The following GAPVD1 variants were observed in gnomAD, a reference collection of about 807,000 sequenced individuals.
The protein encoded by GAPVD1 is GTPase activating protein and VPS9 domains 1.
GAPVD1 carries 35 observed loss-of-function variants against 155.5 expected under a neutral mutation model. The observed-to-expected ratio is 0.23, with a 90% CI of 0.17 to 0.30. GAPVD1 has a LOEUF of 0.30. Among genes scored for constraint, GAPVD1 ranks in the 10% least tolerant of loss-of-function variants. The probability of loss-of-function intolerance (pLI) is 1.00; values close to 1 mark genes in which losing one functional copy is unlikely to be tolerated. For synonymous variants in GAPVD1, 636 were observed against 619.7 expected (o/e 1.03, Z -0.39); for missense variants, 1,429 against 1,775.7 (o/e 0.80, Z 3.51).
At position 125,362,830 on chromosome 9, in the gene GAPVD1, G is replaced by A; in HGVS notation, c.*84G>A. The A allele has an allele frequency of 7.7e-7, 1 of 1,294,066 alleles. No individual in the cohort carries two copies. Among genetic ancestry groups the A allele is most frequent in the Non-Finnish European group, 1.1e-6 (1 of 923,460 alleles). The allele number at this position is 1,294,066 out of a possible 1,614,324, so 80.2% of individuals were successfully genotyped here. A position where few individuals can be genotyped will look rare whatever the true frequency, so the allele number is the denominator to read the frequency against. ...AGGTGCATCAGCTGCTTTGAAGGCTGAAGATTGTTTTGTATGATACTGCAC... is the reference window on the plus strand; with the variant it reads ...AGGTGCATCAGCTGCTTTGAAGGCTAAAGATTGTTTTGTATGATACTGCAC... On this transcript the variant is annotated 3_prime_UTR_variant, in exon 28 of 28. Transcript: ENST00000297933.
intron 1 of GAPVD1, among the ~76,000 whole-genome samples, 178 bp from the exon 2 acceptor site, chr9:125,268,758 T>G (rs1834405221): frequency 6.6e-6 from 1 of 152,156 alleles, no homozygotes; most frequent in South Asian, 2.1e-4. Context: ...GGTCTCAAAC[T>G]CCTGAGTTCA....
chr9:125,344,713 T>C (rs1303855400), intron 19 of GAPVD1, among the ~76,000 whole-genome samples: 3 of 151,240 alleles, frequency 2.0e-5, no homozygotes, highest in Admixed American at 6.6e-5. Flanking sequence ...GAGGCCAAAG[T>C]GAGAGGATTG....
chr9:125,324,910 T>G (rs1420266926), intron 11 of GAPVD1, among the ~76,000 whole-genome samples: 1 of 151,926 alleles, frequency 6.6e-6, no homozygotes, highest in Non-Finnish European at 1.5e-5. Context: ...TTGAAAGAGT[T>G]TTTTGGATTT....
intron 2 of GAPVD1, among the ~76,000 whole-genome samples, chr9:125,294,416 G>A (rs1202968582): frequency 2.1e-5 from 3 of 145,564 alleles, no homozygotes; most frequent in Non-Finnish European, 4.5e-5. Context: ...GCGTGATCTC[G>A]GCTCACTGCA....
intron 1 of GAPVD1, chr9:125,263,924 TGTTCCTTCA>T: frequency 6.9e-7 from 1 of 1,444,110 alleles, no homozygotes; most frequent in Admixed American, 1.7e-5. Context: ...CCAGGCAAAC[TGTTCCTTCA>T]TGTAGCCTTG....
chr9:125,349,186 C>G (rs191608540), intron 20 of GAPVD1, among the ~76,000 whole-genome samples: 1 of 152,220 alleles, frequency 6.6e-6, no homozygotes, highest in Non-Finnish European at 1.5e-5. Flanking sequence ...ACTCTCTTCT[C>G]AGCAACTAGT....
intron 8 of GAPVD1, chr9:125,310,042 TA>T: frequency 2.7e-6 from 1 of 373,316 alleles, no homozygotes; most frequent in Non-Finnish European, 5.6e-6. Context: ...TCTTCTTTTA[TA>T]ATTTTATTTA....
At chr9:125,352,277 G>A (rs186936823) in intron 23 of GAPVD1, among the ~76,000 whole-genome samples, 9 of 152,296 alleles carry the variant, frequency 5.9e-5, no homozygotes, top group Non-Finnish European at 8.8e-5. Flanking sequence ...TTTCCTTTCC[G>A]CACTGCCCTT....
intron 11 of GAPVD1, 52 bp downstream of exon 11, chr9:125,323,975 G>A: frequency 1.3e-6 from 2 of 1,527,508 alleles, no homozygotes; most frequent in South Asian, 1.2e-5. Context: ...TTACCTGATT[G>A]CAAGATGAGC....
chr9:125,338,845 T>C (rs1022557589), intron 17 of GAPVD1, among the ~76,000 whole-genome samples: 8 of 152,180 alleles, frequency 5.3e-5, no homozygotes, highest in African/African-American at 1.9e-4. Context: ...TTTAAAAATA[T>C]GTAACTATCT....
At chr9:125,263,799 G>A in intron 1 of GAPVD1, 1 of 1,033,548 alleles carries the variant, frequency 9.7e-7, no homozygotes. Flanking sequence ...GCTGAGGCCT[G>A]CCGGTCTCTG....
chr9:125,270,188 G>A (rs1834658018), intron 2 of GAPVD1, among the ~76,000 whole-genome samples: 1 of 152,000 alleles, frequency 6.6e-6, no homozygotes, highest in African/African-American at 2.4e-5. Context: ...TAGCACTTTG[G>A]GAGGCCGAGG....
At chr9:125,346,597 G>T (rs1848550043) in intron 19 of GAPVD1, 1 of 576,378 alleles carries the variant, frequency 1.7e-6, no homozygotes, top group Non-Finnish European at 3.2e-6. Flanking sequence ...GTGATGATGA[G>T]AAGGTGGAGC....
intron 2 of GAPVD1, among the ~76,000 whole-genome samples, chr9:125,290,636 G>T (rs1009811760): frequency 6.6e-6 from 1 of 152,180 alleles, no homozygotes; most frequent in African/African-American, 2.4e-5. Context: ...GAGTGGGACA[G>T]TGGGGGATGG....
At chr9:125,280,396 C>CAA (rs750354567) in intron 2 of GAPVD1, among the ~76,000 whole-genome samples, 320 of 56,518 alleles carry the variant, frequency 5.7e-3, no homozygotes, top group East Asian at 8.7e-3. Context: ...AAGTCCATCT[C>CAA]AAAAAAAAAA....
intron 3 of GAPVD1, among the ~76,000 whole-genome samples, chr9:125,296,248 G>A (rs1435775607): frequency 1.4e-5 from 2 of 148,068 alleles, no homozygotes; most frequent in Non-Finnish European, 3.0e-5. Flanking sequence ...GCACAATCTC[G>A]GCCCACTGCA....
intron 2 of GAPVD1, among the ~76,000 whole-genome samples, chr9:125,271,254 C>A (rs1047212193): frequency 1.3e-4 from 19 of 151,964 alleles, no homozygotes; most frequent in African/African-American, 4.6e-4. Flanking sequence ...AAGGTGCTTG[C>A]TTGGTCTTGC....
intron 9 of GAPVD1, among the ~76,000 whole-genome samples, chr9:125,319,977 G>A (rs1171991620): frequency 6.6e-6 from 1 of 152,028 alleles, no homozygotes; most frequent in Admixed American, 6.6e-5. Context: ...AGCCAAAACA[G>A]CAACCAAGAA....
intron 1 of GAPVD1, among the ~76,000 whole-genome samples, chr9:125,267,846 T>A (rs1834224466): frequency 6.6e-6 from 1 of 152,140 alleles, no homozygotes; most frequent in Admixed American, 6.6e-5. Flanking sequence ...TGAGCCACTA[T>A]GCCTAGCTGC....
Sources: allele counts gnomAD v4.1 joint callset (sites outside exome capture counted in the v4.1 genomes callset), GRCh38; gene constraint gnomAD v4.1.1; transcripts MANE v1.5; gene names NCBI Gene and HGNC (gene_info 2026-07-23, HGNC 2026-07-21).